LRMDA: variants seen among roughly 807,000 people sequenced by gnomAD.
LRMDA encodes the protein leucine-rich melanocyte differentiation-associated protein.
LRMDA carries 18 observed loss-of-function variants against 29.8 expected under a neutral mutation model. The observed-to-expected ratio is 0.60, with a 90% confidence interval of 0.42 to 0.90. The LOEUF is 0.90. Ranked by LOEUF, LRMDA falls within the 40% of genes least tolerant of loss-of-function variation. The pLI is 0.00. For synonymous variants in LRMDA, 125 were observed against 109.4 expected (o/e 1.14, Z -0.89); for missense variants, 273 against 273.9 (o/e 1.00, Z 0.02).
intron 2 of LRMDA, among the ~76,000 whole-genome samples, chr10:75,893,872 G>A (rs549342875): frequency 3.7e-4 from 56 of 150,950 alleles, no homozygotes; most frequent in Admixed American, 9.9e-4. Context: ...GGTGGAGGTG[G>A]CAGTCAGCCG....
chr10:75,939,883 G>A (rs1232457475), intron 2 of LRMDA, among the ~76,000 whole-genome samples: 1 of 152,120 alleles, frequency 6.6e-6, no homozygotes, highest in African/African-American at 2.4e-5. Context: ...GGACTTCAAA[G>A]CATGTATTTG....
At chr10:75,675,954 T>G (rs970960035) in intron 2 of LRMDA, among the ~76,000 whole-genome samples, 5 of 152,190 alleles carry the variant, frequency 3.3e-5, no homozygotes, top group African/African-American at 1.2e-4. Context: ...GTGGTCTCCC[T>G]GCTGGATTGG....
intron 5 of LRMDA, among the ~76,000 whole-genome samples, chr10:76,190,755 C>T (rs1266713664): frequency 6.6e-6 from 1 of 152,202 alleles, no homozygotes; most frequent in Non-Finnish European, 1.5e-5. Flanking sequence ...ACCATGACAA[C>T]AGGTGACCTC....
chr10:75,839,994 C>T (rs892067626), intron 2 of LRMDA, among the ~76,000 whole-genome samples: 7 of 152,208 alleles, frequency 4.6e-5, no homozygotes, highest in African/African-American at 1.7e-4. Flanking sequence ...AGGCGTAAGC[C>T]ACCACGCCTG....
intron 2 of LRMDA, among the ~76,000 whole-genome samples, chr10:75,925,610 T>TGGTGGCAGTGGTGGTGGTAAC (rs1846107840): frequency 6.6e-6 from 1 of 151,926 alleles, no homozygotes; most frequent in Non-Finnish European, 1.5e-5. Flanking sequence ...AAGAAGGTGA[T>TGGTGGCAGTGGTGGTGGTAAC]GGTGGCAGTG....
chr10:76,244,332 T>C (rs1337456408), intron 5 of LRMDA, among the ~76,000 whole-genome samples: 1 of 152,126 alleles, frequency 6.6e-6, no homozygotes. Context: ...TCCTACATGA[T>C]GTTTCAACTT....
chr10:76,183,711 C>A (rs1048347231), intron 5 of LRMDA, among the ~76,000 whole-genome samples: 2 of 152,160 alleles, frequency 1.3e-5, no homozygotes, highest in Non-Finnish European at 2.9e-5. Flanking sequence ...CAAATTGCAT[C>A]ATTTTATTTT....
At chr10:76,167,140 T>A (rs1380098033) in intron 5 of LRMDA, among the ~76,000 whole-genome samples, 5 of 152,202 alleles carry the variant, frequency 3.3e-5, no homozygotes, top group Non-Finnish European at 7.3e-5. Flanking sequence ...TCTTGCCCAC[T>A]TTTTGATAGG....
intron 2 of LRMDA, among the ~76,000 whole-genome samples, chr10:76,022,236 C>A (rs187324110): frequency 3.4e-4 from 52 of 152,242 alleles, no homozygotes; most frequent in African/African-American, 1.3e-3. Flanking sequence ...TAGTGCCTGG[C>A]AGAGTGTCTA....
chr10:75,473,897 G>A (rs976540395), intron 2 of LRMDA, among the ~76,000 whole-genome samples: 1 of 152,266 alleles, frequency 6.6e-6, no homozygotes, highest in Admixed American at 6.5e-5. Flanking sequence ...CATCACCCAA[G>A]GGTTTGTTGG....
At chr10:75,954,204 G>C (rs991114611) in intron 2 of LRMDA, among the ~76,000 whole-genome samples, 2 of 152,164 alleles carry the variant, frequency 1.3e-5, no homozygotes, top group African/African-American at 4.8e-5. Context: ...ATCTGGTTGA[G>C]AGCACAGACA....
chr10:75,869,618 T>G (rs1845076235), intron 2 of LRMDA, among the ~76,000 whole-genome samples: 1 of 152,216 alleles, frequency 6.6e-6, no homozygotes, highest in Non-Finnish European at 1.5e-5. Context: ...GAAAACCAAG[T>G]GCATTACTGA....
intron 2 of LRMDA, among the ~76,000 whole-genome samples, chr10:75,453,771 G>A (rs1212728568): frequency 6.6e-6 from 1 of 152,192 alleles, no homozygotes; most frequent in African/African-American, 2.4e-5. Context: ...TAGATGGTTG[G>A]GCATTGCCCA....
intron 2 of LRMDA, among the ~76,000 whole-genome samples, chr10:75,717,999 C>A (rs1246742732): frequency 6.6e-6 from 1 of 152,120 alleles, no homozygotes; most frequent in East Asian, 1.9e-4. Context: ...GGAAAGCTTC[C>A]TAGTGGATGA....
intron 6 of LRMDA, among the ~76,000 whole-genome samples, chr10:76,554,707 C>G (rs903907444): frequency 6.6e-6 from 1 of 152,154 alleles, no homozygotes; most frequent in Admixed American, 6.5e-5. Flanking sequence ...AGCCCACGTT[C>G]CAGGAGCATC....
intron 2 of LRMDA, among the ~76,000 whole-genome samples, chr10:75,738,293 A>C (rs938766090): frequency 6.6e-6 from 1 of 152,008 alleles, no homozygotes; most frequent in African/African-American, 2.4e-5. Context: ...CTGCAGCTTC[A>C]GGTCATCCAA....
intron 6 of LRMDA, among the ~76,000 whole-genome samples, chr10:76,507,078 C>T (rs1842966430): frequency 2.0e-5 from 3 of 152,068 alleles, no homozygotes; most frequent in African/African-American, 7.2e-5. Context: ...GAATGTTCCC[C>T]TTTCTCTGCA....
At chr10:75,585,535 T>C (rs1169738861) in intron 2 of LRMDA, among the ~76,000 whole-genome samples, 1 of 152,236 alleles carries the variant, frequency 6.6e-6, no homozygotes, top group Non-Finnish European at 1.5e-5. Flanking sequence ...AGTATGTGCA[T>C]GGTCAGTGTT....
At chr10:75,684,143 G>T (rs973845246) in intron 2 of LRMDA, among the ~76,000 whole-genome samples, 7 of 152,204 alleles carry the variant, frequency 4.6e-5, no homozygotes, top group Admixed American at 1.3e-4. Context: ...AAATTAGAAA[G>T]CAGTGTGAGG....
Sources: gnomAD v4.1 joint callset for allele counts (sites outside exome capture counted in the v4.1 genomes callset) on GRCh38, gnomAD v4.1.1 for gene constraint, MANE v1.5 for transcripts, NCBI Gene and HGNC (gene_info 2026-07-23, HGNC 2026-07-21) for gene names.